The following CCND2 variants were observed in gnomAD, a reference collection of about 807,000 sequenced individuals.
CCND2 encodes the protein G1/S-specific cyclin-D2.
Under a neutral mutation model 30.2 loss-of-function variants are expected in CCND2, and 6 were observed. The ratio of observed to expected loss-of-function variants is 0.20; its 90% CI spans 0.11 to 0.39. The LOEUF is 0.39. Among genes scored for constraint, CCND2 ranks in the 10% least tolerant of loss-of-function variants. The pLI is 1.00. For missense variants in CCND2, 235 were observed against 373.4 expected (o/e 0.63, Z 3.06); for synonymous variants, 150 against 153.1 (o/e 0.98, Z 0.15).
chr12:4,290,436 C>T (rs925929931), intron 4 of CCND2, among the ~76,000 whole-genome samples: 1 of 152,188 alleles, frequency 6.6e-6, no homozygotes, highest in African/African-American at 2.4e-5. Context: ...CGGGACTTAA[C>T]GTTTATAGAA....
rs180804578 is a variant in CCND2 at position 4,286,355 on chromosome 12, G to C, written c.572-2487G>C. Among the ~76,000 whole-genome samples, 11 of 152,298 alleles carry C rather than the reference G, an allele frequency of 7.2e-5. No homozygotes were observed. In the East Asian group the frequency reaches 2.1e-3, roughly 29 times the overall value. ...TAGACAAATGGGAAACCAAGCCCTTGGAAAGAGGAAGTGACTTGCCCACAG... is the reference window on the plus strand; with the variant it reads ...TAGACAAATGGGAAACCAAGCCCTTCGAAAGAGGAAGTGACTTGCCCACAG... On this transcript the variant is annotated intron_variant, in intron 3 of 4. Transcript: ENST00000261254.
chr12:4,274,112 C>A lies in CCND2; in HGVS notation c.72C>A (p.Asp24Glu), dbSNP rs1232891371. Residue 24 changes from aspartate (D) to glutamate (E), a missense_variant, in exon 1 of 5, where the codon GAC (aspartate) becomes GAA (glutamate). This residue lies in a region of CCND2 where 178 missense variants were observed against 322.8 expected (regional missense o/e 0.55). Transcript: ENST00000261254. This position sits in a 1 kb window ranked among gnomAD's most constrained non-coding sequence, Gnocchi z 7.7. ...GGGACCGCAACCTGCTCCGAGACGACCGCGTCCTGCAGAACCTGCTCACCA... is the reference window on the plus strand; with the variant it reads ...GGGACCGCAACCTGCTCCGAGACGAACGCGTCCTGCAGAACCTGCTCACCA... Reference protein sequence around the residue: ...AVRDRNLLRDDRVLQNLLTIE... With the variant: ...AVRDRNLLRDERVLQNLLTIE... 2 of 1,613,934 alleles carry A rather than the reference C, an allele frequency of 1.2e-6. No homozygotes were observed. The highest frequency in any genetic ancestry group is 2.7e-5 in the African/African-American group (2 of 74,936).
intron 3 of CCND2, among the ~76,000 whole-genome samples, chr12:4,279,157 CA>C (rs975828446): frequency 1.3e-5 from 2 of 151,242 alleles, no homozygotes; most frequent in African/African-American, 2.4e-5. Flanking sequence ...GTGGTTAAGG[CA>C]AAAAAAATTA....
In CCND2 at chr12:4,273,954, T is replaced by C. The variant is rs1591642616; in HGVS notation, c.-87T>C. On this transcript the variant is annotated 5_prime_UTR_variant, in exon 1 of 5. Coordinates refer to ENST00000261254, the MANE Select transcript of CCND2 (RefSeq NM_001759.4). This position sits in a 1 kb window ranked among gnomAD's most constrained non-coding sequence, Gnocchi z 5.9. ...CAAAGGAAGGAGGTCAGGGGAACGC[T>C]CTCCCCTCCCCTTCCAAAAAACAAA... is the stretch of plus-strand genomic sequence containing the variant. 1 of 1,314,482 alleles carries C rather than the reference T, an allele frequency of 7.6e-7. No individual in the cohort carries two copies. Among genetic ancestry groups the C allele is most frequent in the Non-Finnish European group, 1.0e-6 (1 of 961,850 alleles). 81.4% of individuals were successfully genotyped at this position (1,314,482 alleles called of 1,614,324 possible).
chr12:4,275,761 C>T (rs1863863845), intron 1 of CCND2, among the ~76,000 whole-genome samples: 1 of 152,060 alleles, frequency 6.6e-6, no homozygotes, highest in Non-Finnish European at 1.5e-5. Flanking sequence ...CGTTTTGGAG[C>T]TGTAGTTCAC....
Position 4,299,822 on chromosome 12 carries a change from C to T in CCND2, c.721-38C>T, listed in dbSNP as rs761384542. 1.3e-6 allele frequency: 2 copies of T among 1,597,114 alleles called. No homozygotes were observed. Among genetic ancestry groups the T allele is most frequent in the South Asian group, 2.2e-5 (2 of 89,726 alleles). ...TCCGTAGGATGCTCTATGTCCTGTT[C>T]CTCTTACTAACAACTCTGGTCTGGA... On this transcript the variant is annotated intron_variant, in intron 4 of 4. Coordinates refer to ENST00000261254, the MANE Select transcript of CCND2 (RefSeq NM_001759.4). This position sits in a 1 kb window ranked among gnomAD's most constrained non-coding sequence, Gnocchi z 5.2.
chr12:4,301,256 A>G lies in CCND2; in HGVS notation c.*1247A>G, dbSNP rs970237431. The G allele has an allele frequency of 1.3e-5, 3 of 233,512 alleles. No individual in the cohort carries two copies. In the East Asian group the frequency reaches 1.8e-4, roughly 14 times the overall value. 14.5% of individuals were successfully genotyped at this position (233,512 alleles called of 1,614,324 possible). A position where few individuals can be genotyped will look rare whatever the true frequency, so the allele number is the denominator to read the frequency against. On this transcript the variant is annotated 3_prime_UTR_variant, in exon 5 of 5. Coordinates refer to ENST00000261254, the MANE Select transcript of CCND2 (RefSeq NM_001759.4). ...ATGGCACAGAAGGATCTTAATTCCC[A>G]TCTCTATACTTCTCCTTTGGACATG... is the stretch of plus-strand genomic sequence containing the variant.
chr12:4,300,053 G>A lies in CCND2; in HGVS notation c.*44G>A, dbSNP rs1301620504. ...AAGAGAGAGACGCGTCCATAATCTG[G>A]TCTCTTCTTCTTTCTGGTTGTTTTT... is the stretch of plus-strand genomic sequence containing the variant. On this transcript the variant is annotated 3_prime_UTR_variant, in exon 5 of 5. Coordinates refer to ENST00000261254, the MANE Select transcript of CCND2 (RefSeq NM_001759.4). 4.5e-6 allele frequency: 7 copies of A among 1,566,606 alleles called. No individual in the cohort carries two copies. The highest frequency in any genetic ancestry group is 6.1e-6 in the Non-Finnish European group (7 of 1,152,380).
chr12:4,299,531 A>G lies in CCND2; in HGVS notation c.721-329A>G, dbSNP rs1409166524. Among the ~76,000 whole-genome samples, 3 of 152,270 alleles carry G rather than the reference A, an allele frequency of 2.0e-5. No homozygotes were observed. Among genetic ancestry groups the G allele is most frequent in the African/African-American group, 7.2e-5 (3 of 41,554 alleles). On this transcript the variant is annotated intron_variant, in intron 4 of 4. Transcript: ENST00000261254. This position sits in a 1 kb window ranked among gnomAD's most constrained non-coding sequence, Gnocchi z 5.2. The stretch of plus-strand genomic sequence containing the variant: ...TCGGCCCCTTGATTACCAGGCATCC[A>G]TAAGTGACCATCATTTAGGCCAGTG...
chr12:4,290,569 T>G (rs905159625), intron 4 of CCND2, among the ~76,000 whole-genome samples: 2 of 136,608 alleles, frequency 1.5e-5, no homozygotes, highest in Non-Finnish European at 3.4e-5. Flanking sequence ...GTGACAGGAG[T>G]TGGAAGCGGC....
At position 4,304,877 on chromosome 12, in the gene CCND2, G is replaced by A. The variant is rs180860278; in HGVS notation, c.*4868G>A. 47 of 233,468 alleles carry A rather than the reference G, an allele frequency of 2.0e-4. No homozygotes were observed. The highest frequency in any genetic ancestry group is 1.3e-3 in the Middle Eastern group (1 of 786). 14.5% of individuals were successfully genotyped at this position (233,468 alleles called of 1,614,324 possible). A position where few individuals can be genotyped will look rare whatever the true frequency, so the allele number is the denominator to read the frequency against. The stretch of plus-strand genomic sequence containing the variant: ...ACTCTTACATCCCCAGCAAATCATC[G>A]GGCCATTGGATTTTTTCCATTATGT... On this transcript the variant is annotated 3_prime_UTR_variant, in exon 5 of 5. Coordinates refer to ENST00000261254, the MANE Select transcript of CCND2 (RefSeq NM_001759.4). The surrounding 1 kb of genome is among the most constrained non-coding windows in gnomAD (Gnocchi z 6.2).
At chr12:4,290,753 G>A (rs1263016131) in intron 4 of CCND2, among the ~76,000 whole-genome samples, 1 of 152,184 alleles carries the variant, frequency 6.6e-6, no homozygotes, top group Non-Finnish European at 1.5e-5. Context: ...TTGCTGCTGA[G>A]TCTCTTGGCT....
rs1489974100 is a variant in CCND2 at position 4,300,637 on chromosome 12, C to A, written c.*628C>A. 1 of 233,586 alleles carries A rather than the reference C, an allele frequency of 4.3e-6. No individual in the cohort carries two copies. The highest frequency in any genetic ancestry group is 5.6e-5 in the Admixed American group (1 of 17,778). 14.5% of individuals were successfully genotyped at this position (233,586 alleles called of 1,614,324 possible). On this transcript the variant is annotated 3_prime_UTR_variant, in exon 5 of 5. Coordinates refer to ENST00000261254, the MANE Select transcript of CCND2 (RefSeq NM_001759.4). ...TCTTGCTGTCTACAGTAGCTGCTAC[C>A]TAAAAAAAGATGTTTTATTTTGCCA...
At chr12:4,291,771 T>C (rs533235096) in intron 4 of CCND2, among the ~76,000 whole-genome samples, 2 of 152,020 alleles carry the variant, frequency 1.3e-5, no homozygotes, top group Non-Finnish European at 2.9e-5. Context: ...TATTCAACCT[T>C]AAAAAGAAAT....
Position 4,303,153 on chromosome 12 carries a change from T to C in CCND2, c.*3144T>C, listed in dbSNP as rs1321684747. The C allele has an allele frequency of 4.3e-6, 1 of 233,306 alleles. No individual in the cohort carries two copies. The highest frequency in any genetic ancestry group is 8.5e-6 in the Non-Finnish European group (1 of 118,148). The allele number at this position is 233,306 out of a possible 1,614,324, so 14.5% of individuals were successfully genotyped here. ...CCTACCCGACTCTATTTACAGTCTGTAACTTTCCACTCTTCCTGTAGTCCC... is the reference window on the plus strand; with the variant it reads ...CCTACCCGACTCTATTTACAGTCTGCAACTTTCCACTCTTCCTGTAGTCCC... On this transcript the variant is annotated 3_prime_UTR_variant, in exon 5 of 5. Coordinates refer to ENST00000261254, the MANE Select transcript of CCND2 (RefSeq NM_001759.4). This position sits in a 1 kb window ranked among gnomAD's most constrained non-coding sequence, Gnocchi z 4.6.
At position 4,304,310 on chromosome 12, in the gene CCND2, G is replaced by C. The variant is rs1242905224; in HGVS notation, c.*4301G>C. The C allele has an allele frequency of 4.3e-6, 1 of 233,532 alleles. No individual in the cohort carries two copies. Among genetic ancestry groups the C allele is most frequent in the Non-Finnish European group, 8.5e-6 (1 of 118,034 alleles). The allele number at this position is 233,532 out of a possible 1,614,324, so 14.5% of individuals were successfully genotyped here. The stretch of plus-strand genomic sequence containing the variant: ...AAAGGATTCCTCTTTGTTTATCTCT[G>C]AGACAGTCCAACCTTGAGAATAGCT... On this transcript the variant is annotated 3_prime_UTR_variant, in exon 5 of 5. Transcript: ENST00000261254. This position sits in a 1 kb window ranked among gnomAD's most constrained non-coding sequence, Gnocchi z 6.2.
rs148525558 is a variant in CCND2 at position 4,304,000 on chromosome 12, C to G, written c.*3991C>G. ...ATTGGCAACTCTTCAGACGGAGCTG[C>G]GCTTCCCTGCAGTCTAGCACCTCTA... On this transcript the variant is annotated 3_prime_UTR_variant, in exon 5 of 5. Coordinates refer to ENST00000261254, the MANE Select transcript of CCND2 (RefSeq NM_001759.4). The surrounding 1 kb of genome is among the most constrained non-coding windows in gnomAD (Gnocchi z 4.6). The G allele has an allele frequency of 4.3e-6, 1 of 233,158 alleles. No homozygotes were observed. Among genetic ancestry groups the G allele is most frequent in the African/African-American group, 2.2e-5 (1 of 45,326 alleles). 14.4% of individuals were successfully genotyped at this position (233,158 alleles called of 1,614,324 possible).
rs1864224611 is a variant in CCND2, at chr12:4,299,932, C to T, written c.793C>T (p.Gln265Ter). 1 of 1,614,018 alleles carries T rather than the reference C, an allele frequency of 6.2e-7. No homozygotes were observed. Among genetic ancestry groups the T allele is most frequent in the Non-Finnish European group, 8.5e-7 (1 of 1,179,910 alleles). Residue 265 changes from glutamine to a stop codon, truncating the protein, a stop_gained, in exon 5 of 5, where the codon CAA becomes TAA. Coordinates refer to ENST00000261254, the MANE Select transcript of CCND2 (RefSeq NM_001759.4). LOFTEE classifies it high-confidence loss of function. This position sits in a 1 kb window ranked among gnomAD's most constrained non-coding sequence, Gnocchi z 5.2. Reference protein sequence around the residue: ...LNSLQQYRQDQRDGSKSEDEL... With the variant: ...LNSLQQYRQD Reference sequence around the variant, plus strand: ...TAGCCTGCAGCAGTACCGTCAGGACCAACGTGACGGATCCAAGTCGGAGGA... The same window carrying T: ...TAGCCTGCAGCAGTACCGTCAGGACTAACGTGACGGATCCAAGTCGGAGGA...
intron 3 of CCND2, among the ~76,000 whole-genome samples, chr12:4,286,827 G>A (rs1387204482): frequency 6.6e-6 from 1 of 152,248 alleles, no homozygotes; most frequent in East Asian, 1.9e-4. Context: ...GCATGTGTGA[G>A]GTGTGCTTCC....
Sources: allele counts gnomAD v4.1 joint callset (sites outside exome capture counted in the v4.1 genomes callset), GRCh38; gene constraint gnomAD v4.1.1; regional missense constraint gnomAD v4.1.1; non-coding constraint Gnocchi (gnomAD v3.1); transcripts MANE v1.5; gene names NCBI Gene and HGNC (gene_info 2026-07-23, HGNC 2026-07-21).